Variants in SMC6 observed in about 807,000 individuals in gnomAD.
SMC6 encodes the protein structural maintenance of chromosomes 6, also known as structural maintenance of chromosomes protein 6.
Under a neutral mutation model 142.2 loss-of-function variants are expected in SMC6, and 79 were observed. The observed-to-expected ratio is 0.56, with a 90% CI of 0.46 to 0.67. SMC6 has a LOEUF of 0.67. Ranked by LOEUF, SMC6 falls within the 30% of genes least tolerant of loss-of-function variation. SMC6 has a pLI of 0.00. For missense variants in SMC6, 1,072 were observed against 1,284.0 expected, an observed-to-expected ratio of 0.83 and a Z score of 2.52; for synonymous variants, 411 against 412.4, an observed-to-expected ratio of 1.00 and a Z score of 0.04.
At position 17,695,213 on chromosome 2, in the gene SMC6, G is replaced by C. The variant is rs539254965; in HGVS notation, c.2617C>G (p.Arg873Gly). The C allele has an allele frequency of 6.2e-7, 1 of 1,613,480 alleles. No homozygotes were observed. The highest frequency in any genetic ancestry group is 8.5e-7 in the Non-Finnish European group (1 of 1,179,772). Residue 873 changes from arginine to glycine, a missense_variant, in exon 23 of 28, where the codon CGA becomes GGA. Physicochemically the swap from Arg to Gly is moderately radical, Grantham distance 125 (BLOSUM62 -2). This residue lies in a region of SMC6 where 994 missense variants were observed against 1,153.2 expected (regional missense o/e 0.86). Coordinates refer to ENST00000448223, the MANE Select transcript of SMC6 (RefSeq NM_001142286.2). ...TCTGCCTGTATCTTCTGCCTTAATC[G>C]ATTAATTTCTTTGTCCAGAATTGAT... ...SASILDKEIN[R>G]LRQKIQAEHA...
At chr2:17,719,014 G>T (rs1449519947) in intron 11 of SMC6, among the ~76,000 whole-genome samples, 1 of 152,100 alleles carries the variant, frequency 6.6e-6, no homozygotes, top group East Asian at 1.9e-4. Flanking sequence ...GACCAAACTG[G>T]GATGCTGGCA....
intron 7 of SMC6, among the ~76,000 whole-genome samples, chr2:17,727,515 AT>A (rs1488062763): frequency 1.5e-3 from 233 of 151,910 alleles, no homozygotes; most frequent in African/African-American, 5.4e-3. Context: ...TTATATATAT[AT>A]ATATATATAT....
intron 24 of SMC6, among the ~76,000 whole-genome samples, chr2:17,682,186 A>G (rs1667267734): frequency 6.6e-6 from 1 of 152,142 alleles, no homozygotes; most frequent in African/African-American, 2.4e-5. Context: ...TTCTCTTGCC[A>G]CTTCCACCAT....
At chr2:17,684,992 AG>A (rs1226181488) in intron 23 of SMC6, among the ~76,000 whole-genome samples, 3 of 152,154 alleles carry the variant, frequency 2.0e-5, no homozygotes, top group Non-Finnish European at 2.9e-5. Context: ...ACGGGAAGGT[AG>A]GAGGGCTAGA....
chr2:17,712,443 T>C (rs1214730839), intron 16 of SMC6, among the ~76,000 whole-genome samples: 1 of 152,136 alleles, frequency 6.6e-6, no homozygotes, highest in Non-Finnish European at 1.5e-5. Context: ...AGAATCTCTC[T>C]TGAGATGGGG....
intron 25 of SMC6, among the ~76,000 whole-genome samples, chr2:17,677,551 C>T (rs1667051238): frequency 6.6e-6 from 1 of 152,288 alleles, no homozygotes; most frequent in African/African-American, 2.4e-5. Context: ...ACAGGCTCCC[C>T]TATCCCTTGG....
intron 24 of SMC6, among the ~76,000 whole-genome samples, chr2:17,682,623 T>G (rs1433255977): frequency 6.6e-6 from 1 of 152,152 alleles, no homozygotes; most frequent in Non-Finnish European, 1.5e-5. Context: ...GAATAGTTCA[T>G]GTTCTTATTG....
chr2:17,687,130 A>C (rs1470312706), intron 23 of SMC6, among the ~76,000 whole-genome samples: 1 of 152,250 alleles, frequency 6.6e-6, no homozygotes, highest in Non-Finnish European at 1.5e-5. Context: ...CACCCTATAG[A>C]GAAGGTTTGA....
At chr2:17,719,819 C>T (rs1354919805) in intron 11 of SMC6, among the ~76,000 whole-genome samples, 1 of 152,054 alleles carries the variant, frequency 6.6e-6, no homozygotes, top group African/African-American at 2.4e-5. Context: ...TTTACATACT[C>T]ATATATTACC....
Position 17,665,617 on chromosome 2 carries a change from G to C in SMC6, c.3162-4C>G, listed in dbSNP as rs1666460596. 1 of 1,557,170 alleles carries C rather than the reference G, an allele frequency of 6.4e-7. No individual in the cohort carries two copies. The highest frequency in any genetic ancestry group is 8.8e-7 in the Non-Finnish European group (1 of 1,142,350). On this transcript the variant is annotated splice_region_variant and splice_polypyrimidine_tract_variant and intron_variant, in intron 27 of 27. Transcript: ENST00000448223. ...CAGTTTACTGGATGGAAGTGAACTAGAAGAAGCAAAATCAATTACTCAAAT... is the reference window on the plus strand; with the variant it reads ...CAGTTTACTGGATGGAAGTGAACTACAAGAAGCAAAATCAATTACTCAAAT...
At chr2:17,717,037 ACTTT>A (rs775967454) in intron 13 of SMC6, 47 bp downstream of exon 13, 5 of 1,560,738 alleles carry the variant, frequency 3.2e-6, no homozygotes, top group Admixed American at 3.7e-5. Context: ...CATCTACCTT[ACTTT>A]ATTACAAAAT....
At chr2:17,740,971 TC>T (rs1388340489) in intron 4 of SMC6, 1 of 285,368 alleles carries the variant, frequency 3.5e-6, no homozygotes, top group Non-Finnish European at 6.8e-6. Context: ...ACATTCAAGA[TC>T]CTCAACAATA....
intron 3 of SMC6, among the ~76,000 whole-genome samples, chr2:17,743,946 G>A (rs1670606454): frequency 6.6e-6 from 1 of 152,096 alleles, no homozygotes; most frequent in South Asian, 2.1e-4. Flanking sequence ...TGCATCGTCT[G>A]GATATACCAG....
At chr2:17,668,101 T>A (rs1666587489) in intron 26 of SMC6, among the ~76,000 whole-genome samples, 1 of 152,230 alleles carries the variant, frequency 6.6e-6, no homozygotes. Context: ...TTCTTCTGAA[T>A]AATTTCATTG....
Position 17,680,825 on chromosome 2 carries a change from A to C in SMC6, c.2805-1861T>G, listed in dbSNP as rs541192858. 3 of 152,330 alleles carry C rather than the reference A, an allele frequency of 2.0e-5. No homozygotes were observed. In the East Asian group the frequency reaches 5.8e-4, roughly 29 times the overall value. The allele number at this position is 152,330 out of a possible 1,614,324, so 9.4% of individuals were successfully genotyped here. ...ACAAAGTAGATTTAGCACAATTCTT[A>C]AGGGTCCTAGGATTTTCAGAATGGT... On this transcript the variant is annotated intron_variant, in intron 24 of 27. Transcript: ENST00000448223.
intron 4 of SMC6, among the ~76,000 whole-genome samples, chr2:17,740,279 TTCCTGACTGAATGATAAAGTAAG>T (rs1670376040): frequency 6.6e-6 from 1 of 152,212 alleles, no homozygotes; most frequent in Non-Finnish European, 1.5e-5. Context: ...AGACACTTTC[TTCCTGACTGAATGATAAAGTAAG>T]AAAAACAACA....
At position 17,664,959 on chromosome 2, in the gene SMC6, G is replaced by A. The variant is rs1215977477; in HGVS notation, c.*540C>T. The A allele has an allele frequency of 6.6e-6, 1 of 152,298 alleles. No homozygotes were observed. The highest frequency in any genetic ancestry group is 1.9e-4 in the East Asian group (1 of 5,194). The allele number at this position is 152,298 out of a possible 1,614,324, so 9.4% of individuals were successfully genotyped here. A position where few individuals can be genotyped will look rare whatever the true frequency, so the allele number is the denominator to read the frequency against. On this transcript the variant is annotated 3_prime_UTR_variant, in exon 28 of 28. Transcript: ENST00000448223. ...TTATAAGCTCTTGGTAGGGTGGACA[G>A]TTAAAGGACTGCAAAAAAGGCATGT...
chr2:17,720,204 A>G (rs550153930), intron 11 of SMC6, among the ~76,000 whole-genome samples: 1 of 152,196 alleles, frequency 6.6e-6, no homozygotes, highest in South Asian at 2.1e-4. Context: ...AAAGCTGTTC[A>G]AAACAGAAAG....
intron 3 of SMC6, among the ~76,000 whole-genome samples, chr2:17,744,057 T>C (rs1311036938): frequency 6.6e-6 from 1 of 152,204 alleles, no homozygotes; most frequent in Non-Finnish European, 1.5e-5. Flanking sequence ...CAGGTTTTCA[T>C]GTGGACGTAA....
Sources: gnomAD v4.1 joint callset for allele counts (sites outside exome capture counted in the v4.1 genomes callset) on GRCh38, gnomAD v4.1.1 for gene constraint, gnomAD v4.1.1 regional missense constraint, MANE v1.5 for transcripts, NCBI Gene and HGNC (gene_info 2026-07-23, HGNC 2026-07-21) for gene names.